The following ERBB4 variants were observed in gnomAD, a reference collection of about 807,000 sequenced individuals.
ERBB4 encodes the protein erb-b2 receptor tyrosine kinase 4, also known as receptor tyrosine-protein kinase erbB-4.
In ERBB4, 42 loss-of-function variants were observed where a neutral mutation model predicts 158.0. The observed-to-expected ratio is 0.27, with a 90% CI of 0.21 to 0.34. The LOEUF (loss-of-function observed/expected upper bound fraction) is 0.34, where lower values mean the gene tolerates loss of function less well. ERBB4 is among the 10% of genes least tolerant of loss of function. The probability of loss-of-function intolerance (pLI) is 1.00; values close to 1 mark genes in which losing one functional copy is unlikely to be tolerated. For synonymous variants in ERBB4, 583 were observed against 558.7 expected (o/e 1.04, Z -0.61); for missense variants, 1,333 against 1,624.1 (o/e 0.82, Z 3.08).
chr2:211,706,156 G>C (rs1231714720), intron 9 of ERBB4, among the ~76,000 whole-genome samples: 1 of 151,910 alleles, frequency 6.6e-6, no homozygotes, highest in Non-Finnish European at 1.5e-5. Flanking sequence ...CATTTACAGA[G>C]AGATTAAATT....
intron 1 of ERBB4, among the ~76,000 whole-genome samples, chr2:212,461,225 C>T (rs1022006861): frequency 4.6e-5 from 7 of 152,132 alleles, no homozygotes; most frequent in African/African-American, 1.2e-4. Context: ...GACCCAGTGA[C>T]GGCTTGCACC....
intron 2 of ERBB4, among the ~76,000 whole-genome samples, chr2:211,974,041 G>C (rs2081535370): frequency 6.6e-6 from 1 of 152,124 alleles, no homozygotes; most frequent in Admixed American, 6.5e-5. Flanking sequence ...GAGAACACAT[G>C]GACACAGAGA....
At chr2:211,393,091 G>T (rs963463435) in intron 25 of ERBB4, among the ~76,000 whole-genome samples, 3 of 152,154 alleles carry the variant, frequency 2.0e-5, no homozygotes, top group African/African-American at 7.2e-5. Context: ...AGTCAAGACA[G>T]AATTTACAAA....
At chr2:212,212,279 A>T (rs2082960890) in intron 1 of ERBB4, among the ~76,000 whole-genome samples, 1 of 152,078 alleles carries the variant, frequency 6.6e-6, no homozygotes, top group South Asian at 2.1e-4. Context: ...ATAGACAAGC[A>T]AAGAGTCAAA....
intron 2 of ERBB4, among the ~76,000 whole-genome samples, chr2:211,978,363 A>AGTCTGTCTGTCT (rs36173850): frequency 2.0e-3 from 265 of 135,250 alleles, no homozygotes; most frequent in East Asian, 0.014. Context: ...AAGGAGTCTG[A>AGTCTGTCTGTCT]GTCTGTCTGT....
intron 1 of ERBB4, among the ~76,000 whole-genome samples, chr2:212,281,325 A>G (rs922837771): frequency 3.3e-5 from 5 of 151,750 alleles, no homozygotes; most frequent in Non-Finnish European, 7.4e-5. Flanking sequence ...TACGGGAATT[A>G]GTGTAAAATT....
At chr2:212,276,968 A>G (rs1056731500) in intron 1 of ERBB4, among the ~76,000 whole-genome samples, 3 of 151,790 alleles carry the variant, frequency 2.0e-5, no homozygotes, top group Non-Finnish European at 4.4e-5. Flanking sequence ...CAACCTTAGC[A>G]TAATTAAGAC....
At chr2:212,171,324 G>GT (rs59021730) in intron 1 of ERBB4, among the ~76,000 whole-genome samples, 2,347 of 149,616 alleles carry the variant, frequency 0.016, 136 homozygotes, top group Admixed American at 0.1. Context: ...TAACTAACTT[G>GT]TTTTTTTTTT....
intron 20 of ERBB4, among the ~76,000 whole-genome samples, chr2:211,542,597 T>G (rs2066839168): frequency 6.6e-6 from 1 of 152,084 alleles, no homozygotes; most frequent in South Asian, 2.1e-4. Flanking sequence ...TAAAAATTTG[T>G]ATTTTAAATT....
At chr2:212,003,148 G>A (rs11893668) in intron 2 of ERBB4, among the ~76,000 whole-genome samples, 582 of 14,942 alleles carry the variant, frequency 0.039, 8 homozygotes, top group South Asian at 0.056. Context: ...AAGGAAGGAA[G>A]GAAAGAAAGA....
chr2:211,961,111 T>G (rs2125174268), intron 2 of ERBB4, among the ~76,000 whole-genome samples: 1 of 152,234 alleles, frequency 6.6e-6, no homozygotes, highest in African/African-American at 2.4e-5. Context: ...AAAGTCTTTA[T>G]GAATTAATGG....
chr2:211,437,761 T>C (rs1223154988), intron 20 of ERBB4, among the ~76,000 whole-genome samples: 3 of 151,918 alleles, frequency 2.0e-5, no homozygotes, highest in Non-Finnish European at 4.4e-5. Context: ...TTTTTTTTTC[T>C]GTTTTCATTC....
chr2:211,499,378 CT>C (rs1249483896), intron 20 of ERBB4, among the ~76,000 whole-genome samples: 1 of 151,916 alleles, frequency 6.6e-6, no homozygotes, highest in Non-Finnish European at 1.5e-5. Context: ...AAAAAATTAG[CT>C]GGGTGTGGTG....
At chr2:212,089,339 T>C (rs2078705950) in intron 2 of ERBB4, among the ~76,000 whole-genome samples, 1 of 152,184 alleles carries the variant, frequency 6.6e-6, no homozygotes, top group South Asian at 2.1e-4. Context: ...TAGTGGTTAG[T>C]ATTAGTGCTT....
intron 1 of ERBB4, among the ~76,000 whole-genome samples, chr2:212,340,022 C>G (rs1036400994): frequency 6.6e-6 from 1 of 151,088 alleles, no homozygotes; most frequent in African/African-American, 2.4e-5. Flanking sequence ...TTAACACTTT[C>G]ATATTCCTAG....
intron 3 of ERBB4, among the ~76,000 whole-genome samples, chr2:211,906,450 A>G (rs2079395225): frequency 6.6e-6 from 1 of 152,150 alleles, no homozygotes; most frequent in African/African-American, 2.4e-5. Flanking sequence ...ATTTTTGTAC[A>G]TGTTAATATT....
At chr2:211,961,714 C>T (rs1374129220) in intron 2 of ERBB4, among the ~76,000 whole-genome samples, 2 of 151,936 alleles carry the variant, frequency 1.3e-5, no homozygotes, top group African/African-American at 2.4e-5. Flanking sequence ...GTTGGAAGTA[C>T]AAAAGACAGA....
intron 2 of ERBB4, among the ~76,000 whole-genome samples, chr2:211,975,992 T>C (rs2081595245): frequency 6.6e-6 from 1 of 152,318 alleles, no homozygotes; most frequent in East Asian, 1.9e-4. Flanking sequence ...TAAATAATTC[T>C]TGTATAACAT....
At chr2:211,928,632 T>C (rs112073796) in intron 3 of ERBB4, among the ~76,000 whole-genome samples, 4,097 of 152,298 alleles carry the variant, frequency 0.027, 81 homozygotes, top group Middle Eastern at 0.054. Context: ...CTGTCTGTTA[T>C]GAATACTAAG....
Sources: gnomAD v4.1 joint callset for allele counts (sites outside exome capture counted in the v4.1 genomes callset) on GRCh38, gnomAD v4.1.1 for gene constraint, MANE v1.5 for transcripts, NCBI Gene and HGNC (gene_info 2026-07-23, HGNC 2026-07-21) for gene names.